Variants in CCM2 observed in about 807,000 individuals in gnomAD.
CCM2 encodes the protein cerebral cavernous malformations 2 protein.
CCM2 carries 25 observed loss-of-function variants against 44.9 expected under a neutral mutation model. The ratio of observed to expected loss-of-function variants is 0.56; its 90% confidence interval spans 0.41 to 0.78. The LOEUF (loss-of-function observed/expected upper bound fraction) is 0.78, where lower values mean the gene tolerates loss of function less well. Among genes scored for constraint, CCM2 ranks in the 30% least tolerant of loss-of-function variants. The pLI is 0.00. For synonymous variants in CCM2, 219 were observed against 241.1 expected, an observed-to-expected ratio of 0.91 and a Z score of 0.85; for missense variants, 481 against 580.6, an observed-to-expected ratio of 0.83 and a Z score of 1.76.
chr7:45,007,583 C>A (rs879229344), intron 1 of CCM2, among the ~76,000 whole-genome samples: 1 of 151,804 alleles, frequency 6.6e-6, no homozygotes, highest in African/African-American at 2.4e-5. Flanking sequence ...CAAACAGTAA[C>A]AATTTTTTGC....
rs1481933234 is a variant in CCM2, at chr7:45,076,195, C to T, written c.*138C>T. ...CCGGTGCAGATGGCCCCGGGCGGCCCAGGTCCTCTACTGTGAAGGAGCAGG... is the reference window on the plus strand; with the variant it reads ...CCGGTGCAGATGGCCCCGGGCGGCCTAGGTCCTCTACTGTGAAGGAGCAGG... On this transcript the variant is annotated 3_prime_UTR_variant, in exon 10 of 10. Transcript: ENST00000258781. The T allele has an allele frequency of 8.2e-7, 1 of 1,223,198 alleles. No homozygotes were observed. The highest frequency in any genetic ancestry group is 2.5e-5 in the East Asian group (1 of 39,576). 75.8% of individuals were successfully genotyped at this position (1,223,198 alleles called of 1,614,324 possible). A position where few individuals can be genotyped will look rare whatever the true frequency, so the allele number is the denominator to read the frequency against.
Position 45,074,250 on chromosome 7 carries a change from C to G in CCM2, c.916-20C>G, listed in dbSNP as rs754966956. Reference sequence around the variant, plus strand: ...TTGCCTACTGTGCCCAGCCCCCTATCTGGCTCTGCTCTCTTGCAGCTGCGC... The same window carrying G: ...TTGCCTACTGTGCCCAGCCCCCTATGTGGCTCTGCTCTCTTGCAGCTGCGC... On this transcript the variant is annotated intron_variant, in intron 8 of 9. Coordinates refer to ENST00000258781, the MANE Select transcript of CCM2 (RefSeq NM_031443.4). 43 of 1,613,308 alleles carry G rather than the reference C, an allele frequency of 2.7e-5. No homozygotes were observed. The highest frequency in any genetic ancestry group is 1.5e-4 in the Admixed American group (9 of 60,028).
intron 6 of CCM2, chr7:45,070,730 C>T (rs947894381): frequency 4.8e-6 from 1 of 209,304 alleles, no homozygotes; most frequent in Non-Finnish European, 1.0e-5. Flanking sequence ...GGGCGGATCA[C>T]CTGAGGTCGG....
chr7:45,071,704 A>C (rs1562916387), intron 6 of CCM2: 1 of 454,244 alleles, frequency 2.2e-6, no homozygotes, highest in Non-Finnish European at 4.4e-6. Flanking sequence ...CAGCTCCTAA[A>C]GGCGGCTGCA....
rs557780082 is a variant in CCM2 at position 45,027,999 on chromosome 7, C to T, written c.31-10254C>T. 5.8e-4 allele frequency among the ~76,000 whole-genome samples: 88 copies of T among 152,110 alleles called. 2 individuals carry two copies. In the South Asian group the frequency reaches 0.014, roughly 25 times the overall value. ...TGGTCTGAGACCCTGTGGCAAGGGG[C>T]GTGTATGGAGAAGTGCCGTTCCACC... On this transcript the variant is annotated intron_variant, in intron 1 of 9. Transcript: ENST00000258781.
chr7:45,002,562 T>G (rs1030722467), intron 1 of CCM2, among the ~76,000 whole-genome samples: 1 of 151,488 alleles, frequency 6.6e-6, no homozygotes, highest in African/African-American at 2.4e-5. Context: ...AAGCAGTGAT[T>G]CAGGCTTTTT....
intron 2 of CCM2, among the ~76,000 whole-genome samples, chr7:45,044,382 C>T (rs937623660): frequency 3.9e-5 from 6 of 152,128 alleles, no homozygotes; most frequent in Admixed American, 1.3e-4. Flanking sequence ...GTGATCCTCC[C>T]GCCTCGGCCT....
chr7:45,076,170 C>A lies in CCM2; in HGVS notation c.*113C>A. 2 of 1,497,830 alleles carry A rather than the reference C, an allele frequency of 1.3e-6. No individual in the cohort carries two copies. Among genetic ancestry groups the A allele is most frequent in the Non-Finnish European group, 1.8e-6 (2 of 1,103,662 alleles). 92.8% of individuals were successfully genotyped at this position (1,497,830 alleles called of 1,614,324 possible). ...CTTGGTGGTGGCCAGGGAGAGGCGC[C>A]CGGTGCAGATGGCCCCGGGCGGCCC... is the stretch of plus-strand genomic sequence containing the variant. On this transcript the variant is annotated 3_prime_UTR_variant, in exon 10 of 10. Transcript: ENST00000258781.
chr7:45,024,496 A>G (rs1048582525), intron 1 of CCM2, among the ~76,000 whole-genome samples: 1 of 152,114 alleles, frequency 6.6e-6, no homozygotes, highest in Non-Finnish European at 1.5e-5. Flanking sequence ...GGTTGGTTCC[A>G]CTGTTTCTTG....
chr7:45,071,472 A>T, intron 6 of CCM2: 1 of 268,620 alleles, frequency 3.7e-6, no homozygotes. Context: ...CACGTTACGC[A>T]CATGCATGCA....
At chr7:45,066,081 A>G (rs984318991) in intron 4 of CCM2, among the ~76,000 whole-genome samples, 5 of 152,178 alleles carry the variant, frequency 3.3e-5, no homozygotes, top group Admixed American at 6.5e-5. Context: ...GCTAAAGGAA[A>G]TGGATGACAG....
intron 9 of CCM2, among the ~76,000 whole-genome samples, chr7:45,075,427 C>T (rs1784176651): frequency 6.6e-6 from 1 of 152,242 alleles, no homozygotes. Context: ...CCTCAGCTTT[C>T]CCCACTGTAA....
intron 1 of CCM2, among the ~76,000 whole-genome samples, chr7:45,009,412 T>C (rs1168184812): frequency 7.0e-6 from 1 of 142,548 alleles, no homozygotes; most frequent in Non-Finnish European, 1.5e-5. Context: ...GTTTTTTTTT[T>C]TTTTTTTTTT....
At chr7:45,053,956 A>G (rs1484371858) in intron 2 of CCM2, among the ~76,000 whole-genome samples, 1 of 152,222 alleles carries the variant, frequency 6.6e-6, no homozygotes, top group East Asian at 1.9e-4. Context: ...TGAACTTTGA[A>G]GAGCCTGCCA....
chr7:45,042,133 T>A (rs546517140), intron 2 of CCM2, among the ~76,000 whole-genome samples: 2 of 151,804 alleles, frequency 1.3e-5, no homozygotes, highest in Admixed American at 1.3e-4. Flanking sequence ...AATTAGCCAG[T>A]TGTGGTGGCA....
chr7:45,019,519 G>T (rs769152230), intron 1 of CCM2, among the ~76,000 whole-genome samples: 2 of 152,092 alleles, frequency 1.3e-5, no homozygotes, highest in Non-Finnish European at 2.9e-5. Flanking sequence ...TACTGATTAA[G>T]CCCCTTTAAC....
At chr7:45,066,317 T>A (rs908086619) in intron 4 of CCM2, among the ~76,000 whole-genome samples, 2 of 152,208 alleles carry the variant, frequency 1.3e-5, no homozygotes, top group African/African-American at 4.8e-5. Context: ...TAAAATATTT[T>A]AAAAATTTTT....
Position 45,000,228 on chromosome 7 carries a change from G to T in CCM2, c.-106G>T. The T allele has an allele frequency of 1.4e-6, 1 of 696,386 alleles. No homozygotes were observed. The highest frequency in any genetic ancestry group is 6.2e-5 in the South Asian group (1 of 16,084). The allele number at this position is 696,386 out of a possible 1,614,324, so 43.1% of individuals were successfully genotyped here. On this transcript the variant is annotated 5_prime_UTR_variant, in exon 1 of 10. Coordinates refer to ENST00000258781, the MANE Select transcript of CCM2 (RefSeq NM_031443.4). ...AGACTTCGGGCCCGGCTGGCGGGCG[G>T]CGCCGGGAGCGCGGGGGCGGCGGGC...
At chr7:45,023,787 GTTTTTTTTTTTTTTTTTTTTT>G (rs10596429) in intron 1 of CCM2, among the ~76,000 whole-genome samples, 1 of 58,644 alleles carries the variant, frequency 1.7e-5, no homozygotes, top group Non-Finnish European at 2.9e-5. Flanking sequence ...CTCTGTATCA[GTTTTTTTTTTTTTTTTTTTTT>G]TTTTTTTTTT....
Sources: gnomAD v4.1 joint callset for allele counts (sites outside exome capture counted in the v4.1 genomes callset) on GRCh38, gnomAD v4.1.1 for gene constraint, MANE v1.5 for transcripts, NCBI Gene and HGNC (gene_info 2026-07-23, HGNC 2026-07-21) for gene names.